The following ADD2 variants were observed in gnomAD, a reference collection of about 807,000 sequenced individuals.
ADD2 encodes beta-adducin.
In ADD2, 23 loss-of-function variants were observed where a neutral mutation model predicts 83.0. The ratio of observed to expected loss-of-function variants is 0.28; its 90% confidence interval spans 0.20 to 0.39. The LOEUF (loss-of-function observed/expected upper bound fraction) is 0.39. Among genes scored for constraint, ADD2 ranks in the 10% least tolerant of loss-of-function variants. The pLI, the probability that ADD2 is intolerant of heterozygous loss-of-function variation, is 1.00. For synonymous variants in ADD2, 375 were observed against 375.4 expected, an observed-to-expected ratio of 1.00 and a Z score of 0.01; for missense variants, 758 against 944.9, an observed-to-expected ratio of 0.80 and a Z score of 2.59.
chr2:70,744,401 G>A (rs1159525439), intron 1 of ADD2, among the ~76,000 whole-genome samples: 1 of 152,208 alleles, frequency 6.6e-6, no homozygotes, highest in Non-Finnish European at 1.5e-5. Flanking sequence ...TGTGTGTTAT[G>A]TGTTTGTATA....
chr2:70,694,083 CTGCACAACCA>C (rs1195630604), intron 6 of ADD2, among the ~76,000 whole-genome samples: 1 of 152,246 alleles, frequency 6.6e-6, no homozygotes. Context: ...AGTGCACAAA[CTGCACAACCA>C]CACACAGCAG....
At chr2:70,727,723 T>G (rs372427458) in intron 1 of ADD2, among the ~76,000 whole-genome samples, 1 of 151,934 alleles carries the variant, frequency 6.6e-6, no homozygotes, top group African/African-American at 2.4e-5. Flanking sequence ...GGTGAAACCC[T>G]GTCTCTACTA....
intron 1 of ADD2, chr2:70,760,835 G>A (rs1425555746): frequency 6.6e-6 from 1 of 152,096 alleles, no homozygotes; most frequent in African/African-American, 2.4e-5. Context: ...CATTACAAGG[G>A]AAAGAAACAA....
intron 8 of ADD2, among the ~76,000 whole-genome samples, chr2:70,688,851 C>T (rs1162934066): frequency 6.6e-6 from 1 of 152,182 alleles, no homozygotes; most frequent in Non-Finnish European, 1.5e-5. Context: ...AATCCCAGCA[C>T]TTTGGGAGGC....
intron 1 of ADD2, among the ~76,000 whole-genome samples, chr2:70,729,900 T>C (rs1050404421): frequency 2.6e-5 from 4 of 152,208 alleles, no homozygotes; most frequent in African/African-American, 9.6e-5. Flanking sequence ...TTTAAGGAAA[T>C]TAACATAATA....
At chr2:70,733,269 C>T (rs1673371256) in intron 1 of ADD2, among the ~76,000 whole-genome samples, 1 of 152,266 alleles carries the variant, frequency 6.6e-6, no homozygotes, top group African/African-American at 2.4e-5. Context: ...CCCCAGTGAT[C>T]CCTCGGCTGC....
intron 1 of ADD2, among the ~76,000 whole-genome samples, chr2:70,721,450 A>G (rs1672725376): frequency 1.3e-5 from 2 of 152,204 alleles, no homozygotes. Context: ...TCTGGTTCCT[A>G]CAGCAGGTTA....
chr2:70,720,159 C>T (rs367703633), intron 1 of ADD2, among the ~76,000 whole-genome samples: 14 of 152,214 alleles, frequency 9.2e-5, no homozygotes, highest in East Asian at 5.8e-4. Context: ...CACTTTGCAT[C>T]TAAACTGGAG....
rs782719673 is a variant in ADD2 at position 70,706,427 on chromosome 2, A to G, written c.-19T>C. ...CGCTCATTTTCCCGGTGGGTTTGCA[A>G]TTCGCTCCTGGAACTCTACAGAGAA... On this transcript the variant is annotated 5_prime_UTR_variant, in exon 3 of 16. Coordinates refer to ENST00000264436, the MANE Select transcript of ADD2 (RefSeq NM_001617.4). This position sits in a 1 kb window ranked among gnomAD's most constrained non-coding sequence, Gnocchi z 5.0. 1 of 1,595,524 alleles carries G rather than the reference A, an allele frequency of 6.3e-7. No individual in the cohort carries two copies. The highest frequency in any genetic ancestry group is 1.1e-5 in the South Asian group (1 of 89,946).
Position 70,673,246 on chromosome 2 carries a change from T to C in ADD2, c.1742-240A>G, listed in dbSNP as rs138971651. On this transcript the variant is annotated intron_variant, in intron 14 of 15. Coordinates refer to ENST00000264436, the MANE Select transcript of ADD2 (RefSeq NM_001617.4). Reference sequence around the variant, plus strand: ...CTTCATCAAAACACACCTACCAATATGTTACTCCAGATGTGGAGGGCAACG... The same window carrying C: ...CTTCATCAAAACACACCTACCAATACGTTACTCCAGATGTGGAGGGCAACG... 16 of 1,613,928 alleles carry C rather than the reference T, an allele frequency of 9.9e-6. No individual in the cohort carries two copies. In the African/African-American group the frequency reaches 1.2e-4, roughly 12 times the overall value.
At chr2:70,739,971 A>G (rs1349151483) in intron 1 of ADD2, among the ~76,000 whole-genome samples, 3 of 152,186 alleles carry the variant, frequency 2.0e-5, no homozygotes, top group African/African-American at 7.2e-5. Context: ...AATCCCCGTG[A>G]CACAAGTTTA....
chr2:70,673,150 C>T (rs1312168371), intron 14 of ADD2, 144 bp from the exon 15 acceptor site: 2 of 1,551,226 alleles, frequency 1.3e-6, no homozygotes, highest in Non-Finnish European at 1.8e-6. Flanking sequence ...AAGTTAGCTC[C>T]TCCCCCTGAC....
At chr2:70,716,694 C>A (rs1672488224) in intron 1 of ADD2, among the ~76,000 whole-genome samples, 1 of 152,118 alleles carries the variant, frequency 6.6e-6, no homozygotes, top group South Asian at 2.1e-4. Flanking sequence ...CTGTCCAGCC[C>A]TGAGGTCCCA....
chr2:70,727,741 C>T (rs1673079751), intron 1 of ADD2, among the ~76,000 whole-genome samples: 2 of 151,928 alleles, frequency 1.3e-5, no homozygotes, highest in African/African-American at 4.8e-5. Context: ...CTAAAATATA[C>T]AAAAGTTAGC....
intron 1 of ADD2, among the ~76,000 whole-genome samples, chr2:70,725,434 C>T (rs919577041): frequency 2.0e-4 from 31 of 152,034 alleles, no homozygotes; most frequent in African/African-American, 7.2e-4. Context: ...GTGTGTATGT[C>T]CTAACTCCCA....
chr2:70,726,393 G>A (rs1673004091), intron 1 of ADD2, among the ~76,000 whole-genome samples: 1 of 152,090 alleles, frequency 6.6e-6, no homozygotes. Flanking sequence ...ACTTGTCCCT[G>A]GGATCAATCA....
rs368916314 is a variant in ADD2, at chr2:70,695,853, C to G, written c.475-52G>C. On this transcript the variant is annotated intron_variant, in intron 5 of 15. Coordinates refer to ENST00000264436, the MANE Select transcript of ADD2 (RefSeq NM_001617.4). ...GGCAAGGAGGGAGAAAGGACATTTCCAAGGACACTGTGCTTGAATCCCCTC... is the reference window on the plus strand; with the variant it reads ...GGCAAGGAGGGAGAAAGGACATTTCGAAGGACACTGTGCTTGAATCCCCTC... 2.1e-4 allele frequency: 323 copies of G among 1,513,914 alleles called. 6 individuals carry two copies. In the East Asian group the frequency reaches 3.0e-3, roughly 14 times the overall value. 93.8% of individuals were successfully genotyped at this position (1,513,914 alleles called of 1,614,324 possible).
intron 1 of ADD2, among the ~76,000 whole-genome samples, chr2:70,758,019 A>G (rs1320292725): frequency 2.0e-5 from 3 of 152,246 alleles, no homozygotes; most frequent in Non-Finnish European, 4.4e-5. Flanking sequence ...AAATTACCGA[A>G]GGAACGTAAA....
At chr2:70,704,263 T>TGGCCCCCCCCCCCCCCCCCAC in intron 4 of ADD2, 58 bp downstream of exon 4, 1 of 913,238 alleles carries the variant, frequency 1.1e-6, no homozygotes, top group Non-Finnish European at 1.7e-6. Context: ...CTCCCTCTCT[T>TGGCCCCCCCCCCCCCCCCCAC]CCCCACCCCA....
Sources: allele counts gnomAD v4.1 joint callset (sites outside exome capture counted in the v4.1 genomes callset), GRCh38; gene constraint gnomAD v4.1.1; non-coding constraint Gnocchi (gnomAD v3.1); transcripts MANE v1.5; gene names NCBI Gene and HGNC (gene_info 2026-07-23, HGNC 2026-07-21).